RHCE: variants seen among roughly 807,000 people sequenced by gnomAD.
The protein encoded by RHCE is Rh blood group CcEe antigens.
Under a neutral mutation model 43.8 loss-of-function variants are expected in RHCE, and 22 were observed. The observed-to-expected ratio is 0.50, with a 90% CI of 0.36 to 0.72. The LOEUF is 0.72. Among genes scored for constraint, RHCE ranks in the 30% least tolerant of loss-of-function variants. The pLI is 0.00. For missense variants in RHCE, 385 were observed against 525.4 expected, an observed-to-expected ratio of 0.73 and a Z score of 2.61; for synonymous variants, 156 against 210.7, an observed-to-expected ratio of 0.74 and a Z score of 2.25.
At chr1:25,415,131 G>C (rs1255366835) in intron 1 of RHCE, among the ~76,000 whole-genome samples, 1 of 152,012 alleles carries the variant, frequency 6.6e-6, no homozygotes, top group Non-Finnish European at 1.5e-5. Flanking sequence ...TCTGCAGCCA[G>C]TCTTAACTCC....
intron 8 of RHCE, among the ~76,000 whole-genome samples, chr1:25,373,013 C>A (rs1051411161): frequency 1.3e-5 from 2 of 151,034 alleles, no homozygotes; most frequent in Non-Finnish European, 2.9e-5. Context: ...ATAGGATTGC[C>A]CTGGCTTGAA....
At chr1:25,392,539 G>T (rs1646407504) in intron 3 of RHCE, among the ~76,000 whole-genome samples, 1 of 149,730 alleles carries the variant, frequency 6.7e-6, no homozygotes, top group East Asian at 2.0e-4. Flanking sequence ...GGGATTACAG[G>T]CATGAGCCAC....
chr1:25,379,367 G>A (rs1439476660), intron 7 of RHCE, among the ~76,000 whole-genome samples: 1 of 147,566 alleles, frequency 6.8e-6, no homozygotes, highest in Non-Finnish European at 1.5e-5. Context: ...AAATTTGAGG[G>A]ATGCATTCAA....
At chr1:25,379,479 ATATATATATATATATAT>A (rs1436858797) in intron 7 of RHCE, among the ~76,000 whole-genome samples, 1 of 26,422 alleles carries the variant, frequency 3.8e-5, no homozygotes, top group Non-Finnish European at 6.2e-5. Flanking sequence ...ATATATATAT[ATATATATATATATATAT>A]TTTTTTTTTT....
intron 3 of RHCE, among the ~76,000 whole-genome samples, chr1:25,392,586 T>G (rs78413124): frequency 1.4e-5 from 2 of 142,926 alleles, no homozygotes; most frequent in African/African-American, 5.2e-5. Context: ...TTTTTTTTTT[T>G]TTGAGACAGA....
At chr1:25,385,690 G>C (rs1157821608) in intron 7 of RHCE, 21 bp downstream of exon 7, 1 of 1,613,942 alleles carries the variant, frequency 6.2e-7, no homozygotes, top group Non-Finnish European at 8.5e-7. Context: ...AAGGGGATGG[G>C]GGGTAAGCCC....
intron 3 of RHCE, among the ~76,000 whole-genome samples, chr1:25,397,111 CAAAAA>C (rs151106139): frequency 5.2e-5 from 3 of 58,046 alleles, no homozygotes; most frequent in Admixed American, 4.5e-4. Context: ...GACTCTGTCT[CAAAAA>C]AAAAAAAAAA....
chr1:25,416,883 C>T (rs1002137026), intron 1 of RHCE, among the ~76,000 whole-genome samples: 6 of 150,264 alleles, frequency 4.0e-5, no homozygotes, highest in Non-Finnish European at 8.9e-5. Flanking sequence ...CAATCCTCCC[C>T]ACTTGGCCTC....
chr1:25,408,637 C>T (rs1261687448), intron 2 of RHCE, 46 bp downstream of exon 2: 1 of 1,178,016 alleles, frequency 8.5e-7, no homozygotes. Flanking sequence ...CTTTCGGGGT[C>T]CATTCCCTCT....
rs1046318682 is a variant in RHCE, at chr1:25,387,810, C to T, written c.939+1166G>A. On this transcript the variant is annotated intron_variant, in intron 6 of 9. Transcript: ENST00000294413. ...CTTTTTATGGCTAAATAATATTCCA[C>T]TCTGTATATAAAACACTTTTTTTTT... 2.6e-5 allele frequency among the ~76,000 whole-genome samples: 4 copies of T among 151,928 alleles called. No individual in the cohort carries two copies. In the East Asian group the frequency reaches 7.7e-4, roughly 29 times the overall value.
chr1:25,392,531 G>C (rs1646407123), intron 3 of RHCE, among the ~76,000 whole-genome samples: 1 of 150,264 alleles, frequency 6.7e-6, no homozygotes, highest in Admixed American at 6.6e-5. Context: ...AAAGTGCTGG[G>C]ATTACAGGCA....
chr1:25,395,319 G>C (rs562555823), intron 3 of RHCE, among the ~76,000 whole-genome samples: 1 of 150,766 alleles, frequency 6.6e-6, no homozygotes, highest in East Asian at 1.9e-4. Context: ...AGAAATGCAG[G>C]AACAAGTGGA....
At chr1:25,421,878 G>GC (rs1190517700), upstream of RHCE, among the ~76,000 whole-genome samples, 1 of 152,354 alleles carries the variant, frequency 6.6e-6, no homozygotes, top group East Asian at 1.9e-4. Flanking sequence ...AATGTGTGGA[G>GC]CCCCAGAGAA....
Position 25,386,640 on chromosome 1 carries a change from G to A in RHCE, c.940-796C>T, listed in dbSNP as rs566985822. On this transcript the variant is annotated intron_variant, in intron 6 of 9. Transcript: ENST00000294413. ...GTTCAAGACCAGCATGGCCAACATG[G>A]CGAAACCCCGTCTCTACTAAAAACA... Among the ~76,000 whole-genome samples, 280 of 152,252 alleles carry A rather than the reference G, an allele frequency of 1.8e-3. 1 individual carries two copies. The highest frequency in any genetic ancestry group is 6.5e-3 in the African/African-American group (270 of 41,548).
rs560186468 is a variant in RHCE, at chr1:25,370,882, A to G, written c.1154-342T>C. Among the ~76,000 whole-genome samples the G allele has an allele frequency of 2.9e-4, 43 of 148,728 alleles. 2 individuals carry two copies. Among genetic ancestry groups the G allele is most frequent in the African/African-American group, 1.1e-3 (42 of 39,784 alleles). ...TCCTGCCTCAGCCTCCCAAGTAGCT[A>G]AGATTATAGGCGCCTGCCACCACAT... is the stretch of plus-strand genomic sequence containing the variant. On this transcript the variant is annotated intron_variant, in intron 8 of 9. Coordinates refer to ENST00000294413, the MANE Select transcript of RHCE (RefSeq NM_020485.8).
chr1:25,420,578 G>T (rs2042740746), intron 1 of RHCE, 61 bp downstream of exon 1: 1 of 1,613,760 alleles, frequency 6.2e-7, no homozygotes, highest in Non-Finnish European at 8.5e-7. Flanking sequence ...AGAACCATAG[G>T]CCTCCCCCGC....
At chr1:25,388,850 G>C in intron 6 of RHCE, 126 bp downstream of exon 6, 1 of 1,502,724 alleles carries the variant, frequency 6.7e-7, no homozygotes, top group Admixed American at 1.8e-5. Flanking sequence ...GCTAGGCGTT[G>C]AAGCCAATAA....
intron 3 of RHCE, among the ~76,000 whole-genome samples, chr1:25,396,534 G>A (rs1646541964): frequency 1.3e-5 from 2 of 152,200 alleles, no homozygotes; most frequent in African/African-American, 4.8e-5. Flanking sequence ...CTCACAGTTT[G>A]GCATGGCCGG....
rs372268880 is a variant in RHCE at position 25,392,156 on chromosome 1, A to G, written c.487-15T>C. 6.2e-7 allele frequency: 1 copy of G among 1,614,016 alleles called. No individual in the cohort carries two copies. Among genetic ancestry groups the G allele is most frequent in the African/African-American group, 1.3e-5 (1 of 74,898 alleles). On this transcript the variant is annotated splice_polypyrimidine_tract_variant and intron_variant, in intron 3 of 9. Coordinates refer to ENST00000294413, the MANE Select transcript of RHCE (RefSeq NM_020485.8). ...TGGTAGTCTGTCTGCAATAAAACCC[A>G]GTAAGAGCAGTGAGTGTCGGCATCC...
Sources: allele counts gnomAD v4.1 joint callset (sites outside exome capture counted in the v4.1 genomes callset), GRCh38; gene constraint gnomAD v4.1.1; transcripts MANE v1.5; gene names NCBI Gene and HGNC (gene_info 2026-07-23, HGNC 2026-07-21).